Variants in HMOX2 observed in about 807,000 individuals in gnomAD.
HMOX2 encodes the protein heme oxygenase (decycling) 2.
A neutral mutation model predicts 33.7 loss-of-function variants in HMOX2; 30 were observed. The ratio of observed to expected loss-of-function variants is 0.89; its 90% CI spans 0.67 to 1.21. The LOEUF (loss-of-function observed/expected upper bound fraction) is 1.21. HMOX2 is among the 50% of genes most tolerant of loss of function. HMOX2 has a pLI of 0.00. For missense variants in HMOX2, 403 were observed against 399.1 expected (o/e 1.01, Z -0.08); for synonymous variants, 155 against 155.0 (o/e 1.00, Z 0.00).
intron 1 of HMOX2, among the ~76,000 whole-genome samples, chr16:4,485,126 C>T (rs1444758262): frequency 2.0e-5 from 3 of 151,826 alleles, no homozygotes; most frequent in African/African-American, 7.2e-5. Context: ...CCACAACCCC[C>T]GGCTAATTTT....
At chr16:4,480,632 G>A (rs2058000057) in intron 1 of HMOX2, among the ~76,000 whole-genome samples, 1 of 148,800 alleles carries the variant, frequency 6.7e-6, no homozygotes, top group Admixed American at 6.7e-5. Flanking sequence ...GAGCGACCGT[G>A]CCCGGCTAAG....
intron 1 of HMOX2, among the ~76,000 whole-genome samples, chr16:4,493,710 A>T (rs2058354118): frequency 6.6e-6 from 1 of 152,152 alleles, no homozygotes; most frequent in South Asian, 2.1e-4. Flanking sequence ...GGCTCTAGAG[A>T]TCATTGTAAA....
chr16:4,494,264 C>T (rs1437806794), intron 1 of HMOX2, among the ~76,000 whole-genome samples: 1 of 149,264 alleles, frequency 6.7e-6, no homozygotes, highest in Non-Finnish European at 1.5e-5. Flanking sequence ...TGCAGTGAGC[C>T]GAGATAGCAC....
At chr16:4,495,811 A>C (rs1388682527) in intron 1 of HMOX2, 1 of 152,072 alleles carries the variant, frequency 6.6e-6, no homozygotes, top group Non-Finnish European at 1.5e-5. Flanking sequence ...TGCAGACCCT[A>C]TTGTGACCTC....
chr16:4,505,041 C>T (rs1248423600), intron 1 of HMOX2, among the ~76,000 whole-genome samples: 5 of 152,136 alleles, frequency 3.3e-5, no homozygotes, highest in African/African-American at 1.2e-4. Flanking sequence ...ACCTCTTCCC[C>T]AGATTCACTG....
chr16:4,488,531 A>G (rs1311694765), intron 1 of HMOX2: 1 of 152,182 alleles, frequency 6.6e-6, no homozygotes, highest in Non-Finnish European at 1.5e-5. Flanking sequence ...TTCCTTTGCA[A>G]TAATGATAAC....
rs2058794350 is a variant in HMOX2, at chr16:4,509,799, A to C, written c.*43A>C. ...ACCGGTACCCTCCTCCCGACTGACC[A>C]CTGGCCTACCCCTTTCTCCAGCCCT... On this transcript the variant is annotated 3_prime_UTR_variant, in exon 6 of 6. Coordinates refer to ENST00000570646, the MANE Select transcript of HMOX2 (RefSeq NM_002134.4). 1.3e-6 allele frequency: 2 copies of C among 1,586,486 alleles called. No homozygotes were observed.
intron 1 of HMOX2, among the ~76,000 whole-genome samples, chr16:4,490,847 T>G (rs1031443375): frequency 2.6e-5 from 4 of 152,354 alleles, no homozygotes; most frequent in African/African-American, 9.6e-5. Context: ...ACTGCTTTTG[T>G]GGTCCGGCAG....
chr16:4,491,377 C>G (rs1379082331), intron 1 of HMOX2, among the ~76,000 whole-genome samples: 1 of 152,148 alleles, frequency 6.6e-6, no homozygotes, highest in Non-Finnish European at 1.5e-5. Context: ...AGGCCGGGCA[C>G]TATGGCCCAC....
chr16:4,488,126 TC>T (rs1217398634), intron 1 of HMOX2, among the ~76,000 whole-genome samples: 1 of 77,160 alleles, frequency 1.3e-5, no homozygotes, highest in Non-Finnish European at 2.3e-5. Flanking sequence ...AAACTCCATC[TC>T]AAAAAAAAAA....
Position 4,507,910 on chromosome 16 carries a change from C to G in HMOX2, c.402C>G (p.Tyr134Ter). Residue 134 changes from tyrosine (Y) to a stop codon, truncating the protein, a stop_gained, in exon 4 of 6, where the codon TAC becomes TAG. Transcript: ENST00000570646. LOFTEE classifies it high-confidence loss of function. ...QVQCPKAAQKYVERIHYIGQN... is the reference protein window; with the variant it reads ...QVQCPKAAQK ...AGTGCCCCAAGGCTGCCCAGAAGTA[C>G]GTGGAGCGGATCCACTACATAGGGC... The G allele has an allele frequency of 6.2e-7, 1 of 1,613,970 alleles. No homozygotes were observed. Among genetic ancestry groups the G allele is most frequent in the Non-Finnish European group, 8.5e-7 (1 of 1,180,000 alleles).
chr16:4,475,301 T>C (rs2141482255), upstream of HMOX2, among the ~76,000 whole-genome samples: 1 of 150,632 alleles, frequency 6.6e-6, no homozygotes. Context: ...TCAGTTTTTT[T>C]TTGTTTTTGT....
intron 2 of HMOX2, 39 bp from the exon 3 acceptor site, chr16:4,506,856 G>A: frequency 7.0e-7 from 1 of 1,425,586 alleles, no homozygotes; most frequent in Non-Finnish European, 9.9e-7. Context: ...AAGCTGGGAA[G>A]GGCTAATTGA....
At chr16:4,485,220 C>G (rs1432045634) in intron 1 of HMOX2, among the ~76,000 whole-genome samples, 1 of 152,126 alleles carries the variant, frequency 6.6e-6, no homozygotes, top group Non-Finnish European at 1.5e-5. Flanking sequence ...CCCACCTCCA[C>G]GTCCCAAAGT....
At chr16:4,480,105 T>A (rs2057980200) in intron 1 of HMOX2, among the ~76,000 whole-genome samples, 1 of 152,002 alleles carries the variant, frequency 6.6e-6, no homozygotes, top group Non-Finnish European at 1.5e-5. Flanking sequence ...TGGAGTACAG[T>A]GATCTGATCT....
chr16:4,482,648 G>C (rs564616402), intron 1 of HMOX2, among the ~76,000 whole-genome samples: 1 of 152,242 alleles, frequency 6.6e-6, no homozygotes, highest in Non-Finnish European at 1.5e-5. Flanking sequence ...ATCCCTCCTC[G>C]AGTTTGATTA....
chr16:4,483,026 A>T (rs1001470951), intron 1 of HMOX2, among the ~76,000 whole-genome samples: 1 of 151,296 alleles, frequency 6.6e-6, no homozygotes, highest in Admixed American at 6.6e-5. Context: ...AGACTGGAAG[A>T]AAAAAAAAGG....
intron 1 of HMOX2, among the ~76,000 whole-genome samples, chr16:4,488,452 A>T (rs2058227673): frequency 2.0e-5 from 3 of 152,214 alleles, no homozygotes; most frequent in African/African-American, 7.2e-5. Context: ...ACAGGAAGTT[A>T]CACAGTTTTA....
chr16:4,505,495 C>G lies in HMOX2; in HGVS notation c.-30C>G. The G allele has an allele frequency of 6.4e-7, 1 of 1,552,530 alleles. No homozygotes were observed. The highest frequency in any genetic ancestry group is 8.8e-7 in the Non-Finnish European group (1 of 1,135,524). ...TTGTGTCTCTGCAGGACCAGAGGAG[C>G]GAGAGCAGCAAGAACCACACCCAGC... On this transcript the variant is annotated 5_prime_UTR_variant, in exon 2 of 6. Transcript: ENST00000570646.
Sources: gnomAD v4.1 joint callset for allele counts (sites outside exome capture counted in the v4.1 genomes callset) on GRCh38, gnomAD v4.1.1 for gene constraint, MANE v1.5 for transcripts, NCBI Gene and HGNC (gene_info 2026-07-23, HGNC 2026-07-21) for gene names.